Variants in SPMIP2 observed in about 807,000 individuals in gnomAD.
SPMIP2 encodes the protein sperm microtubule inner protein 2.
chr4:158,984,562 T>A, the SPMIP2 span, among the ~76,000 whole-genome samples: 8 of 151,654 alleles, frequency 5.3e-5, no homozygotes, highest in South Asian at 1.7e-3. Context: ...AAGGCAGAAA[T>A]AAAGATGTTC....
the SPMIP2 span, among the ~76,000 whole-genome samples, chr4:158,909,994 A>G: frequency 6.6e-6 from 1 of 151,902 alleles, no homozygotes; most frequent in Admixed American, 6.5e-5. Context: ...GTGAGCTGAG[A>G]TTGTGCCACT....
chr4:158,988,690 C>G, the SPMIP2 span, among the ~76,000 whole-genome samples: 32 of 152,104 alleles, frequency 2.1e-4, no homozygotes, highest in African/African-American at 5.3e-4. Context: ...ATTCAACAGC[C>G]CTTTATGCTA....
chr4:159,044,904 C>T, the SPMIP2 span, among the ~76,000 whole-genome samples: 1 of 152,064 alleles, frequency 6.6e-6, no homozygotes, highest in African/African-American at 2.4e-5. Flanking sequence ...CCAGCCTAGC[C>T]AACATGGTGA....
the SPMIP2 span, among the ~76,000 whole-genome samples, chr4:158,917,508 G>A: frequency 5.9e-5 from 9 of 151,472 alleles, no homozygotes; most frequent in Non-Finnish European, 1.0e-4. Context: ...CCTTCCTTTC[G>A]CCTTCACCTT....
chr4:158,956,816 C>T, the SPMIP2 span, among the ~76,000 whole-genome samples: 23 of 152,206 alleles, frequency 1.5e-4, no homozygotes, highest in Admixed American at 6.5e-5. Context: ...CTGAACCTTT[C>T]CCCTGGCCCC....
the SPMIP2 span, among the ~76,000 whole-genome samples, chr4:159,032,720 G>GA: frequency 6.7e-6 from 1 of 148,392 alleles, no homozygotes; most frequent in Non-Finnish European, 1.5e-5. Context: ...AGACCTAAAT[G>GA]AAAACGTAAC....
the SPMIP2 span, chr4:158,973,119 A>C: frequency 6.2e-7 from 1 of 1,609,032 alleles, no homozygotes; most frequent in Admixed American, 1.7e-5. Flanking sequence ...TTTGTTGATA[A>C]AATTATACTG....
At chr4:158,959,630 TC>T in the SPMIP2 span, among the ~76,000 whole-genome samples, 1 of 152,158 alleles carries the variant, frequency 6.6e-6, no homozygotes, top group Non-Finnish European at 1.5e-5. Flanking sequence ...ATCCTCACCT[TC>T]AAAAACCTAT....
the SPMIP2 span, among the ~76,000 whole-genome samples, chr4:158,994,257 G>T: frequency 2.6e-5 from 4 of 152,232 alleles, no homozygotes; most frequent in Non-Finnish European, 5.9e-5. Context: ...ATAAGTAAGT[G>T]AATTGTTGAT....
the SPMIP2 span, chr4:158,904,701 C>G: frequency 1.5e-6 from 1 of 645,388 alleles, no homozygotes; most frequent in Non-Finnish European, 2.7e-6. Context: ...CAAGCTGATG[C>G]TTCATTGAAG....
the SPMIP2 span, among the ~76,000 whole-genome samples, chr4:159,014,270 T>C: frequency 2.6e-5 from 4 of 152,060 alleles, no homozygotes; most frequent in Non-Finnish European, 5.9e-5. Flanking sequence ...CTGGCCAACA[T>C]GGTCAAACTC....
At chr4:158,893,736 A>T in the SPMIP2 span, 12 of 1,538,544 alleles carry the variant, frequency 7.8e-6, no homozygotes, top group Non-Finnish European at 1.1e-5. Flanking sequence ...GAAGTAATGT[A>T]TATTAGACTT....
At chr4:159,058,733 G>A in the SPMIP2 span, among the ~76,000 whole-genome samples, 2 of 151,962 alleles carry the variant, frequency 1.3e-5, no homozygotes, top group Non-Finnish European at 2.9e-5. Flanking sequence ...GGGTAAAAGT[G>A]GCTTATTTCT....
At chr4:158,969,764 T>C in the SPMIP2 span, among the ~76,000 whole-genome samples, 1 of 152,180 alleles carries the variant, frequency 6.6e-6, no homozygotes, top group Non-Finnish European at 1.5e-5. Context: ...CAGTCTTATA[T>C]AAACCTGGAG....
At chr4:159,005,616 T>C in the SPMIP2 span, among the ~76,000 whole-genome samples, 1 of 152,170 alleles carries the variant, frequency 6.6e-6, no homozygotes, top group Non-Finnish European at 1.5e-5. Context: ...AGAAGTGCTA[T>C]AAGTCAAAAG....
chr4:158,933,709 T>C, the SPMIP2 span, among the ~76,000 whole-genome samples: 1 of 151,594 alleles, frequency 6.6e-6, no homozygotes, highest in Non-Finnish European at 1.5e-5. Flanking sequence ...ACCTCTAATA[T>C]TATTTCATCT....
the SPMIP2 span, among the ~76,000 whole-genome samples, chr4:158,976,728 C>T: frequency 1.6e-5 from 2 of 128,054 alleles, no homozygotes; most frequent in Non-Finnish European, 3.1e-5. Context: ...GCAGTGGCAT[C>T]TCAGCTCAAT....
chr4:158,976,659 ATTTTTTTTTTT>A, the SPMIP2 span, among the ~76,000 whole-genome samples: 1 of 94,732 alleles, frequency 1.1e-5, no homozygotes, highest in Non-Finnish European at 1.9e-5. Flanking sequence ...ATGGATAAGC[ATTTTTTTTTTT>A]TTTTTTTTTT....
the SPMIP2 span, among the ~76,000 whole-genome samples, chr4:158,978,269 C>CTG: frequency 7.9e-5 from 12 of 152,192 alleles, no homozygotes; most frequent in Admixed American, 2.6e-4. Context: ...GCTGATTGCA[C>CTG]TGTGGTCTGA....
Sources: allele counts gnomAD v4.1 joint callset (sites outside exome capture counted in the v4.1 genomes callset), GRCh38; gene constraint gnomAD v4.1.1; transcripts MANE v1.5; gene names NCBI Gene and HGNC (gene_info 2026-07-23, HGNC 2026-07-21).